LRP1B: variants seen among roughly 807,000 people sequenced by gnomAD.
The protein encoded by LRP1B is low-density lipoprotein receptor-related protein 1B.
A neutral mutation model predicts 556.6 loss-of-function variants in LRP1B; 217 were observed. That is an observed-to-expected ratio of 0.39 (90% CI 0.35 to 0.44). The LOEUF (loss-of-function observed/expected upper bound fraction) is 0.44, where lower values mean the gene tolerates loss of function less well. Ranked by LOEUF, LRP1B falls within the 20% of genes least tolerant of loss-of-function variation. LRP1B has a pLI of 1.00. For missense variants in LRP1B, 5,053 were observed against 5,620.8 expected (o/e 0.90, Z 3.23); for synonymous variants, 2,047 against 1,865.8 (o/e 1.10, Z -2.50).
chr2:140,903,271 C>G (rs1419087457), intron 22 of LRP1B, 106 bp from the exon 23 acceptor site: 1 of 1,298,854 alleles, frequency 7.7e-7, no homozygotes, highest in East Asian at 2.4e-5. Flanking sequence ...CAGGATACTA[C>G]AAATGAATAT....
chr2:141,765,792 T>C (rs1694715773), intron 2 of LRP1B, among the ~76,000 whole-genome samples: 1 of 152,204 alleles, frequency 6.6e-6, no homozygotes, highest in Non-Finnish European at 1.5e-5. Flanking sequence ...TTCCTTTTTC[T>C]CCTTATTTCA....
intron 31 of LRP1B, among the ~76,000 whole-genome samples, chr2:140,822,993 A>C (rs1266617402): frequency 1.3e-5 from 2 of 152,206 alleles, no homozygotes; most frequent in Non-Finnish European, 2.9e-5. Context: ...ACATATTGCA[A>C]GTGCTTAAAA....
chr2:141,749,861 T>C (rs1694047015), intron 2 of LRP1B, among the ~76,000 whole-genome samples: 1 of 152,110 alleles, frequency 6.6e-6, no homozygotes, highest in African/African-American at 2.4e-5. Context: ...AAGGTGATAA[T>C]AATGCCTGGA....
At chr2:140,770,663 A>G (rs543788648) in intron 34 of LRP1B, among the ~76,000 whole-genome samples, 1 of 152,224 alleles carries the variant, frequency 6.6e-6, no homozygotes, top group South Asian at 2.1e-4. Flanking sequence ...TGCTAAAATG[A>G]CTAAAAAATT....
At chr2:141,801,075 T>C (rs1179104705) in intron 2 of LRP1B, among the ~76,000 whole-genome samples, 1 of 152,146 alleles carries the variant, frequency 6.6e-6, no homozygotes, top group African/African-American at 2.4e-5. Flanking sequence ...ACATTTCTTT[T>C]TACTGTCAAA....
chr2:141,644,078 A>T (rs966661220), intron 2 of LRP1B, among the ~76,000 whole-genome samples: 3 of 151,052 alleles, frequency 2.0e-5, no homozygotes, highest in African/African-American at 4.9e-5. Flanking sequence ...CCTCAAAATT[A>T]TATGTCCAGG....
intron 2 of LRP1B, among the ~76,000 whole-genome samples, chr2:141,530,864 T>C (rs1684848601): frequency 1.3e-5 from 2 of 150,540 alleles, no homozygotes; most frequent in East Asian, 1.9e-4. Context: ...TCAGTACGCT[T>C]GGGGCACAGG....
chr2:141,749,108 G>A (rs1228832411), intron 2 of LRP1B, among the ~76,000 whole-genome samples: 1 of 152,040 alleles, frequency 6.6e-6, no homozygotes, highest in African/African-American at 2.4e-5. Context: ...AACAAAATTG[G>A]CCCTTTATAA....
chr2:141,087,024 C>T (rs187071985), intron 7 of LRP1B, among the ~76,000 whole-genome samples: 24 of 152,276 alleles, frequency 1.6e-4, no homozygotes, highest in Non-Finnish European at 2.1e-4. Flanking sequence ...TTACATAGCA[C>T]TGATGGTAAA....
chr2:140,781,116 AG>A (rs1444774145), intron 32 of LRP1B, among the ~76,000 whole-genome samples: 1 of 152,182 alleles, frequency 6.6e-6, no homozygotes, highest in Admixed American at 6.5e-5. Flanking sequence ...GGCATGGTAC[AG>A]GGTCAGTAAA....
At chr2:140,239,340 A>C in intron 88 of LRP1B, 102 bp downstream of exon 88, 1 of 662,744 alleles carries the variant, frequency 1.5e-6, no homozygotes, top group Non-Finnish European at 2.6e-6. Context: ...TACAGTTGGC[A>C]TAACTAAATC....
intron 6 of LRP1B, among the ~76,000 whole-genome samples, chr2:141,221,423 A>C (rs1018699257): frequency 6.6e-6 from 1 of 152,154 alleles, no homozygotes; most frequent in Non-Finnish European, 1.5e-5. Context: ...GTTCTTAGAG[A>C]CGTACATAGT....
chr2:140,631,016 T>C (rs1683861930), intron 41 of LRP1B, among the ~76,000 whole-genome samples: 1 of 152,118 alleles, frequency 6.6e-6, no homozygotes, highest in Non-Finnish European at 1.5e-5. Context: ...TAATATAATA[T>C]ATTACATTTG....
chr2:140,547,305 C>A (rs894800343), intron 43 of LRP1B, among the ~76,000 whole-genome samples: 2 of 151,916 alleles, frequency 1.3e-5, no homozygotes, highest in African/African-American at 4.8e-5. Context: ...GGTTGGTGGG[C>A]TATTTATTAC....
chr2:141,098,914 C>T (rs1437574845), intron 7 of LRP1B, among the ~76,000 whole-genome samples: 2 of 152,174 alleles, frequency 1.3e-5, no homozygotes, highest in East Asian at 3.8e-4. Context: ...GCCTCAGCCT[C>T]TCAAAGTGCT....
chr2:141,712,338 A>T (rs993884348), intron 2 of LRP1B, among the ~76,000 whole-genome samples: 3 of 151,982 alleles, frequency 2.0e-5, no homozygotes, highest in Non-Finnish European at 4.4e-5. Flanking sequence ...GTATCACGTC[A>T]ACTGTACTCC....
chr2:141,167,691 T>A (rs1680329615), intron 7 of LRP1B, among the ~76,000 whole-genome samples: 1 of 151,924 alleles, frequency 6.6e-6, no homozygotes, highest in Non-Finnish European at 1.5e-5. Flanking sequence ...TTTAAAAATC[T>A]ATTTATGTCA....
intron 3 of LRP1B, among the ~76,000 whole-genome samples, chr2:141,260,418 A>G (rs1684641887): frequency 6.6e-6 from 1 of 152,200 alleles, no homozygotes; most frequent in Non-Finnish European, 1.5e-5. Flanking sequence ...CGAGTATATG[A>G]TTTAGGAAAC....
At chr2:140,801,438 A>G (rs964723085) in intron 32 of LRP1B, among the ~76,000 whole-genome samples, 3 of 152,174 alleles carry the variant, frequency 2.0e-5, no homozygotes, top group Non-Finnish European at 4.4e-5. Context: ...TGTAGTGCAC[A>G]TGACTGAAGT....
Sources: allele counts gnomAD v4.1 joint callset (sites outside exome capture counted in the v4.1 genomes callset), GRCh38; gene constraint gnomAD v4.1.1; transcripts MANE v1.5; gene names NCBI Gene and HGNC (gene_info 2026-07-23, HGNC 2026-07-21).